Variants in ZNF18 observed in about 807,000 individuals in gnomAD.
ZNF18 encodes the protein heart development-specific gene 1 protein.
Under a neutral mutation model 58.1 loss-of-function variants are expected in ZNF18, and 42 were observed. The ratio of observed to expected loss-of-function variants is 0.72; its 90% CI spans 0.56 to 0.93. ZNF18 has a LOEUF of 0.93. Among genes scored for constraint, ZNF18 ranks in the 40% least tolerant of loss-of-function variants. The pLI is 0.00. For synonymous variants in ZNF18, 231 were observed against 239.8 expected (o/e 0.96, Z 0.34); for missense variants, 540 against 644.2 (o/e 0.84, Z 1.75).
chr17:12,017,034 T>C, the ZNF18 span, among the ~76,000 whole-genome samples: 2 of 151,510 alleles, frequency 1.3e-5, no homozygotes, highest in African/African-American at 4.9e-5. Context: ...CCATCTCTAC[T>C]AAAATTACAA....
At chr17:12,004,144 T>C in the ZNF18 span, among the ~76,000 whole-genome samples, 1 of 151,784 alleles carries the variant, frequency 6.6e-6, no homozygotes, top group Non-Finnish European at 1.5e-5. Flanking sequence ...GGCAGGAGAA[T>C]CGCTTGAACC....
chr17:12,011,248 C>T, the ZNF18 span: 10 of 425,922 alleles, frequency 2.3e-5, no homozygotes, highest in Non-Finnish European at 3.8e-5. Context: ...TGGAAGATGG[C>T]GGTTCCCCTG....
chr17:11,992,925 G>A lies in ZNF18; in HGVS notation c.-82-14C>T. 1 of 1,370,232 alleles carries A rather than the reference G, an allele frequency of 7.3e-7. No individual in the cohort carries two copies. Among genetic ancestry groups the A allele is most frequent in the South Asian group, 1.4e-5 (1 of 70,690 alleles). The allele number at this position is 1,370,232 out of a possible 1,614,324, so 84.9% of individuals were successfully genotyped here. On this transcript the variant is annotated splice_polypyrimidine_tract_variant and intron_variant, in intron 1 of 6. Transcript: ENST00000580306. ...TTCACCAGGACACTAAAAAGGGAATGAGATTGAGTGCTACACAGAGGAAGG... is the reference window on the plus strand; with the variant it reads ...TTCACCAGGACACTAAAAAGGGAATAAGATTGAGTGCTACACAGAGGAAGG...
Position 11,991,052 on chromosome 17 carries a change from G to A in ZNF18, c.499C>T (p.Leu167Phe). 1 of 1,614,128 alleles carries A rather than the reference G, an allele frequency of 6.2e-7. No homozygotes were observed. The highest frequency in any genetic ancestry group is 8.5e-7 in the Non-Finnish European group (1 of 1,180,030). ...CCAGGCCCTGAGGATGAATTCTCAA[G>A]TCCCAACTCCTGAGGCACCACTTCA... is the stretch of plus-strand genomic sequence containing the variant. The part of the protein sequence containing the change: ...HLEVVPQELG[L>F]ENSSSGPGEL... Residue 167 changes from leucine (L) to phenylalanine (F), a missense_variant, in exon 3 of 7, where the codon CTT becomes TTT. Coordinates refer to ENST00000580306, the MANE Select transcript of ZNF18 (RefSeq NM_001303281.2).
the ZNF18 span, among the ~76,000 whole-genome samples, chr17:12,013,468 T>C: frequency 3.3e-5 from 5 of 152,218 alleles, no homozygotes; most frequent in African/African-American, 1.2e-4. Flanking sequence ...ACTAAGATTT[T>C]TGATCCATTT....
the ZNF18 span, among the ~76,000 whole-genome samples, chr17:12,014,535 G>A: frequency 4.4e-4 from 67 of 152,314 alleles, no homozygotes; most frequent in African/African-American, 1.5e-3. Context: ...AGTTAGATAC[G>A]TATTGTGTGA....
At chr17:12,002,445 T>A (rs1198480398), upstream of ZNF18, 3 of 152,140 alleles carry the variant, frequency 2.0e-5, no homozygotes, top group Non-Finnish European at 4.4e-5. Flanking sequence ...ACTTTTTTAA[T>A]TAGGGAAAAA....
the ZNF18 span, among the ~76,000 whole-genome samples, chr17:12,006,338 C>G: frequency 6.6e-6 from 1 of 152,004 alleles, no homozygotes; most frequent in Non-Finnish European, 1.5e-5. Flanking sequence ...ATAAATATCC[C>G]CAATATAATA....
intron 4 of ZNF18, among the ~76,000 whole-genome samples, chr17:11,988,061 G>A (rs1010153643): frequency 5.3e-5 from 8 of 151,698 alleles, no homozygotes; most frequent in Non-Finnish European, 1.0e-4. Context: ...GTATAGGTTC[G>A]TGAAAAAAAA....
upstream of ZNF18, among the ~76,000 whole-genome samples, chr17:11,998,576 A>G (rs918007327): frequency 2.0e-5 from 3 of 150,282 alleles, no homozygotes; most frequent in African/African-American, 7.3e-5. Flanking sequence ...TGTACCTGTC[A>G]TTATCATAAC....
intron 2 of ZNF18, among the ~76,000 whole-genome samples, chr17:11,991,516 A>G (rs964783972): frequency 1.3e-5 from 2 of 152,178 alleles, no homozygotes; most frequent in African/African-American, 4.8e-5. Flanking sequence ...TCAATAGCTA[A>G]AGAGTGTTGA....
chr17:12,008,357 A>G, the ZNF18 span, among the ~76,000 whole-genome samples: 1 of 152,048 alleles, frequency 6.6e-6, no homozygotes, highest in African/African-American at 2.4e-5. Flanking sequence ...CCATCCCATT[A>G]TTACTACTAT....
intron 5 of ZNF18, 62 bp downstream of exon 5, chr17:11,984,050 GA>G: frequency 6.7e-7 from 1 of 1,486,674 alleles, no homozygotes; most frequent in African/African-American, 1.4e-5. Flanking sequence ...TAAGTGCATG[GA>G]AAATGCCTCA....
At chr17:11,984,255 C>G (rs1967580208) in intron 4 of ZNF18, 58 bp from the exon 5 acceptor site, 1 of 1,483,974 alleles carries the variant, frequency 6.7e-7, no homozygotes, top group Non-Finnish European at 9.1e-7. Flanking sequence ...GGTGTTTGAA[C>G]CTGCCTTCCC....
the ZNF18 span, among the ~76,000 whole-genome samples, chr17:12,014,338 C>T: frequency 6.6e-6 from 1 of 152,172 alleles, no homozygotes; most frequent in African/African-American, 2.4e-5. Context: ...TGTACAAATG[C>T]TCATTGCAGC....
In ZNF18 at chr17:11,978,389, C is replaced by T. The variant is rs1229515359; in HGVS notation, c.1218G>A (p.Lys406=). The change falls in exon 7 of 7, where the codon AAG becomes AAA. Residue 406 remains lysine (K), a synonymous_variant. Transcript: ENST00000580306. ...TCCCACACTCCCTGCAGGTGGGGAG[C>T]TTCTGGGCCATGGGGGCTCTTGGCT... The part of the protein sequence containing the change: ...KGQPRAPMAQ[K]LPTCRECGKT... The T allele has an allele frequency of 5.8e-6, 9 of 1,548,934 alleles. No homozygotes were observed. Among genetic ancestry groups the T allele is most frequent in the Non-Finnish European group, 6.9e-6 (8 of 1,152,222 alleles).
chr17:12,004,916 T>C, the ZNF18 span, among the ~76,000 whole-genome samples: 1 of 145,876 alleles, frequency 6.9e-6, no homozygotes, highest in Admixed American at 6.9e-5. Flanking sequence ...AGAAAAGAAA[T>C]GTGCATTTAT....
At chr17:11,997,211 G>C (rs1338089746) in intron 1 of ZNF18, 1 of 152,462 alleles carries the variant, frequency 6.6e-6, no homozygotes, top group Non-Finnish European at 1.5e-5. Context: ...AGCCGGGACG[G>C]GGTTCACACA....
chr17:11,983,996 C>T lies in ZNF18; in HGVS notation c.751+117G>A, dbSNP rs572939237. 19 of 868,128 alleles carry T rather than the reference C, an allele frequency of 2.2e-5. No individual in the cohort carries two copies. The South Asian group carries it at 3.0e-4, about 14-fold the overall frequency. 53.8% of individuals were successfully genotyped at this position (868,128 alleles called of 1,614,324 possible). On this transcript the variant is annotated intron_variant, in intron 5 of 6. Transcript: ENST00000580306. ...CCCCAGTTCCCAACTGTGTCCCTAACGATTTCTTTCACCTGGCGATTTTCA... is the reference window on the plus strand; with the variant it reads ...CCCCAGTTCCCAACTGTGTCCCTAATGATTTCTTTCACCTGGCGATTTTCA...
Sources: gnomAD v4.1 joint callset for allele counts (sites outside exome capture counted in the v4.1 genomes callset) on GRCh38, gnomAD v4.1.1 for gene constraint, MANE v1.5 for transcripts, NCBI Gene and HGNC (gene_info 2026-07-23, HGNC 2026-07-21) for gene names.